The following ENPP2 variants were observed in gnomAD, a reference collection of about 807,000 sequenced individuals.
ENPP2 encodes the protein autotaxin.
Under a neutral mutation model 120.2 loss-of-function variants are expected in ENPP2, and 51 were observed. That is an observed-to-expected ratio of 0.42 (90% CI 0.34 to 0.54). ENPP2 has a LOEUF of 0.54. ENPP2 is among the 20% of genes least tolerant of loss of function. The pLI, the probability that ENPP2 is intolerant of heterozygous loss-of-function variation, is 0.04. For synonymous variants in ENPP2, 365 were observed against 366.4 expected (o/e 1.00, Z 0.04); for missense variants, 920 against 1,066.5 (o/e 0.86, Z 1.91).
intron 1 of ENPP2, among the ~76,000 whole-genome samples, chr8:119,647,548 G>A (rs1251800179): frequency 6.6e-6 from 1 of 152,128 alleles, no homozygotes; most frequent in Non-Finnish European, 1.5e-5. Context: ...GTGGCTTTTA[G>A]CCATATTTTT....
chr8:119,579,943 T>C (rs1302475030), intron 19 of ENPP2, among the ~76,000 whole-genome samples, 173 bp downstream of exon 19: 1 of 152,202 alleles, frequency 6.6e-6, no homozygotes, highest in Non-Finnish European at 1.5e-5. Context: ...AGCTGGCATC[T>C]TGTGTACATG....
chr8:119,624,295 G>A lies in ENPP2; in HGVS notation c.292+2270C>T, dbSNP rs185928864. Among the ~76,000 whole-genome samples, 1,006 of 152,140 alleles carry A rather than the reference G, an allele frequency of 6.6e-3. 11 individuals are homozygous for A. The highest frequency in any genetic ancestry group is 0.022 in the African/African-American group (912 of 41,504). The stretch of plus-strand genomic sequence containing the variant: ...TCTGTGTAATTTTCAAAGCAAACAT[G>A]GGAATAAACATAAAAAATATTTAAC... On this transcript the variant is annotated intron_variant, in intron 3 of 24. Coordinates refer to ENST00000075322, the MANE Select transcript of ENPP2 (RefSeq NM_001040092.3).
intron 1 of ENPP2, among the ~76,000 whole-genome samples, chr8:119,656,390 T>A (rs1243046119): frequency 2.6e-5 from 4 of 152,196 alleles, no homozygotes; most frequent in Non-Finnish European, 2.9e-5. Context: ...CTCTCTGTAT[T>A]CGTTCCTCTC....
At chr8:119,651,643 G>T (rs1244261840) in intron 1 of ENPP2, among the ~76,000 whole-genome samples, 1 of 152,126 alleles carries the variant, frequency 6.6e-6, no homozygotes, top group Non-Finnish European at 1.5e-5. Context: ...CTTGATACTT[G>T]ATAATGTTTC....
intron 11 of ENPP2, chr8:119,596,084 G>A (rs1587428820): frequency 7.5e-7 from 1 of 1,331,208 alleles, no homozygotes; most frequent in African/African-American, 1.5e-5. Context: ...TTTCCCATCT[G>A]GGATCAGCAG....
At chr8:119,624,772 T>C (rs911763747) in intron 3 of ENPP2, among the ~76,000 whole-genome samples, 22 of 152,312 alleles carry the variant, frequency 1.4e-4, no homozygotes, top group African/African-American at 5.3e-4. Flanking sequence ...CATGCACACA[T>C]AGATACATAC....
At chr8:119,665,921 C>T (rs907605684) in intron 1 of ENPP2, among the ~76,000 whole-genome samples, 2 of 152,100 alleles carry the variant, frequency 1.3e-5, no homozygotes, top group African/African-American at 4.8e-5. Context: ...GCTCTTTTTG[C>T]AACATCAAAA....
intron 10 of ENPP2, 28 bp downstream of exon 10, chr8:119,601,368 GA>G: frequency 7.0e-7 from 1 of 1,432,512 alleles, no homozygotes; most frequent in Middle Eastern, 1.7e-4. Context: ...GAAATGTACT[GA>G]AGAAAGAAGA....
At chr8:119,638,975 A>C (rs962096556), upstream of ENPP2, 3 of 641,406 alleles carry the variant, frequency 4.7e-6, no homozygotes, top group African/African-American at 1.8e-5. Flanking sequence ...AAGAGGCTTA[A>C]GCTATCATCC....
chr8:119,595,733 A>G, intron 11 of ENPP2: 1 of 972,562 alleles, frequency 1.0e-6, no homozygotes, highest in Non-Finnish European at 1.6e-6. Flanking sequence ...GCCAAGGTCA[A>G]TGCACCAGAG....
At position 119,607,966 on chromosome 8, in the gene ENPP2, T is replaced by C. The variant is rs781101103; in HGVS notation, c.789A>G (p.Thr263=). ...RWWGGQPLWI[T]ATKQGVKAGT... is the part of the protein sequence containing the mutation. ...CAGCTTTCACCCCTTGCTTGGTGGC[T>C]GTAATCCATAGCTAATGAGGAAAAT... Residue 263 remains threonine (T), a synonymous_variant, in exon 9 of 25, where the codon ACA becomes ACG. Coordinates refer to ENST00000075322, the MANE Select transcript of ENPP2 (RefSeq NM_001040092.3). 5 of 1,609,692 alleles carry C rather than the reference T, an allele frequency of 3.1e-6. No homozygotes were observed. The highest frequency in any genetic ancestry group is 4.2e-6 in the Non-Finnish European group (5 of 1,177,492).
At chr8:119,632,287 G>A (rs181770932) in intron 2 of ENPP2, among the ~76,000 whole-genome samples, 18 of 152,256 alleles carry the variant, frequency 1.2e-4, no homozygotes, top group Admixed American at 3.9e-4. Flanking sequence ...CCGTAACAGC[G>A]CAGAAAACAA....
intron 1 of ENPP2, among the ~76,000 whole-genome samples, chr8:119,661,794 TAAAG>T (rs1219460641): frequency 6.6e-6 from 1 of 152,060 alleles, no homozygotes; most frequent in African/African-American, 2.4e-5. Context: ...GATGAATTGA[TAAAG>T]AAAATGTGGT....
intron 12 of ENPP2, chr8:119,592,947 G>C: frequency 1.0e-6 from 1 of 971,490 alleles, no homozygotes; most frequent in Non-Finnish European, 1.2e-6. Flanking sequence ...AACTGCCAAA[G>C]AGTCAGCCAA....
chr8:119,587,936 G>A (rs918896272), intron 13 of ENPP2, among the ~76,000 whole-genome samples: 1 of 152,194 alleles, frequency 6.6e-6, no homozygotes, highest in African/African-American at 2.4e-5. Flanking sequence ...TACCAGTGGA[G>A]CAGGCCTTAT....
intron 1 of ENPP2, among the ~76,000 whole-genome samples, chr8:119,650,748 A>G (rs1487112857): frequency 6.6e-6 from 1 of 152,136 alleles, no homozygotes; most frequent in African/African-American, 2.4e-5. Flanking sequence ...CCAGAATTAG[A>G]AGAACTGGGA....
chr8:119,564,801 T>C lies in ENPP2; in HGVS notation c.2264+22A>G, dbSNP rs549648829. 8.9e-5 allele frequency: 142 copies of C among 1,604,424 alleles called. No individual in the cohort carries two copies. The South Asian group carries it at 1.5e-3, about 17-fold the overall frequency. On this transcript the variant is annotated intron_variant, in intron 23 of 24. Transcript: ENST00000075322. ...ATCTTGGGACTTAAAAATCACACACTGAGTAGAAATGAAACGCTTACTGTT... is the reference window on the plus strand; with the variant it reads ...ATCTTGGGACTTAAAAATCACACACCGAGTAGAAATGAAACGCTTACTGTT...
intron 7 of ENPP2, among the ~76,000 whole-genome samples, chr8:119,616,620 G>C (rs2130704038): frequency 6.6e-6 from 1 of 151,836 alleles, no homozygotes; most frequent in East Asian, 1.9e-4. Flanking sequence ...TTAACATTGG[G>C]GTTTTTTTCT....
chr8:119,575,720 G>A (rs1158606230), intron 19 of ENPP2, among the ~76,000 whole-genome samples: 1 of 152,148 alleles, frequency 6.6e-6, no homozygotes, highest in Non-Finnish European at 1.5e-5. Context: ...CAAAATATGT[G>A]AAGTGGCTTG....
Sources: gnomAD v4.1 joint callset for allele counts (sites outside exome capture counted in the v4.1 genomes callset) on GRCh38, gnomAD v4.1.1 for gene constraint, MANE v1.5 for transcripts, NCBI Gene and HGNC (gene_info 2026-07-23, HGNC 2026-07-21) for gene names.